The following ROBO2 variants were observed in gnomAD, a reference collection of about 807,000 sequenced individuals.
The protein encoded by ROBO2 is roundabout homolog 2.
In ROBO2, 53 loss-of-function variants were observed where a neutral mutation model predicts 160.8. The ratio of observed to expected loss-of-function variants is 0.33; its 90% CI spans 0.26 to 0.41. The LOEUF (loss-of-function observed/expected upper bound fraction) is 0.41, where lower values mean the gene tolerates loss of function less well. ROBO2 is among the 10% of genes least tolerant of loss of function. The pLI is 1.00. For missense variants in ROBO2, 1,577 were observed against 1,722.4 expected, an observed-to-expected ratio of 0.92 and a Z score of 1.49; for synonymous variants, 664 against 611.7, an observed-to-expected ratio of 1.09 and a Z score of -1.26.
At chr3:76,987,891 A>C (rs1055094403) in intron 2 of ROBO2, among the ~76,000 whole-genome samples, 10 of 152,140 alleles carry the variant, frequency 6.6e-5, no homozygotes, top group African/African-American at 2.4e-4. Flanking sequence ...ATATTTTTAA[A>C]GTTTAACTCT....
rs1429305524 is a variant in ROBO2 at position 76,187,741 on chromosome 3, A to G, written c.109+250139A>G. On this transcript the variant is annotated intron_variant, in intron 2 of 26. Coordinates refer to the ROBO2 transcript ENST00000487694. ...ACATTTCTGTTGATTCTGTCTCTAA[A>G]TGGTACCTTGAATATGTCCACCTCT... Among the ~76,000 whole-genome samples, 3 of 152,112 alleles carry G rather than the reference A, an allele frequency of 2.0e-5. 1 individual carries two copies. Among genetic ancestry groups the G allele is most frequent in the Admixed American group, 2.0e-4 (3 of 15,250 alleles).
rs6783740 is a variant in ROBO2 at position 77,463,954 on chromosome 3, A to G, written c.389-13460A>G. On this transcript the variant is annotated intron_variant, in intron 2 of 25. Coordinates refer to ENST00000461745, the Ensembl canonical transcript of ROBO2. Reference sequence around the variant, plus strand: ...ACAGCCATTAAACTCATTGAAGATCAGATGCAGAAGTAAAATTCAAAGTCT... The same window carrying G: ...ACAGCCATTAAACTCATTGAAGATCGGATGCAGAAGTAAAATTCAAAGTCT... Among the ~76,000 whole-genome samples the G allele has an allele frequency of 5.4e-3, 826 of 152,332 alleles. 10 individuals are homozygous for G. Among genetic ancestry groups the G allele is most frequent in the African/African-American group, 0.019 (779 of 41,574 alleles).
At chr3:77,181,352 A>G (rs1197844207) in intron 2 of ROBO2, among the ~76,000 whole-genome samples, 1 of 152,040 alleles carries the variant, frequency 6.6e-6, no homozygotes, top group Non-Finnish European at 1.5e-5. Flanking sequence ...AAGCTCATTG[A>G]GGAGGCTCTT....
At chr3:76,898,735 C>T (rs1172513419) in intron 2 of ROBO2, among the ~76,000 whole-genome samples, 1 of 152,108 alleles carries the variant, frequency 6.6e-6, no homozygotes, top group Non-Finnish European at 1.5e-5. Flanking sequence ...AGTCTTCCTT[C>T]AGCAGTATGG....
intron 2 of ROBO2, among the ~76,000 whole-genome samples, chr3:76,330,710 T>G (rs1576471738): frequency 6.6e-6 from 1 of 152,202 alleles, no homozygotes; most frequent in South Asian, 2.1e-4. Flanking sequence ...GATTCCTAGG[T>G]CTCATCGATT....
At chr3:76,686,398 A>G (rs1463623363) in intron 2 of ROBO2, among the ~76,000 whole-genome samples, 1 of 152,128 alleles carries the variant, frequency 6.6e-6, no homozygotes, top group Admixed American at 6.6e-5. Context: ...AAAAGAATCC[A>G]TAAAAGAGTA....
intron 2 of ROBO2, among the ~76,000 whole-genome samples, chr3:76,026,274 T>C (rs778823308): frequency 6.6e-6 from 1 of 151,964 alleles, no homozygotes; most frequent in African/African-American, 2.4e-5. Context: ...TTTTTATCTA[T>C]TTTTGGTCTA....
chr3:76,390,417 A>G (rs1336698784), intron 2 of ROBO2, among the ~76,000 whole-genome samples: 3 of 152,140 alleles, frequency 2.0e-5, no homozygotes, highest in East Asian at 3.9e-4. Flanking sequence ...AATGTGTCTT[A>G]TGATTTTAAC....
chr3:76,232,417 G>T (rs547858941), intron 2 of ROBO2, among the ~76,000 whole-genome samples: 1 of 152,272 alleles, frequency 6.6e-6, no homozygotes, highest in East Asian at 1.9e-4. Flanking sequence ...TGCTGCAACA[G>T]CAACAACGTA....
At chr3:77,346,632 G>A (rs1312397346) in intron 2 of ROBO2, among the ~76,000 whole-genome samples, 1 of 151,968 alleles carries the variant, frequency 6.6e-6, no homozygotes, top group Non-Finnish European at 1.5e-5. Flanking sequence ...GAAATTCTAC[G>A]GATGAATCTG....
At chr3:76,796,719 A>G (rs1401509607) in intron 2 of ROBO2, among the ~76,000 whole-genome samples, 1 of 152,174 alleles carries the variant, frequency 6.6e-6, no homozygotes, top group Non-Finnish European at 1.5e-5. Flanking sequence ...CTTCACCTAT[A>G]GAGACAAATG....
In ROBO2 at chr3:77,468,227, C is replaced by T. The variant is rs979321872; in HGVS notation, c.389-9187C>T. ...GCAGATCCCTGTCAAATATCACATG[C>T]TAGGCTTTGCCAAAAATAGGACTTC... On this transcript the variant is annotated intron_variant, in intron 2 of 25. Coordinates refer to ENST00000461745, the Ensembl canonical transcript of ROBO2. Among the ~76,000 whole-genome samples the T allele has an allele frequency of 3.3e-5, 5 of 152,186 alleles. No individual in the cohort carries two copies. In the South Asian group the frequency reaches 1.0e-3, roughly 31 times the overall value.
At chr3:77,469,425 T>G (rs926071464) in intron 2 of ROBO2, among the ~76,000 whole-genome samples, 3 of 152,176 alleles carry the variant, frequency 2.0e-5, no homozygotes, top group Non-Finnish European at 4.4e-5. Flanking sequence ...CTGAGCTGCA[T>G]GCTGGTTGGG....
intron 2 of ROBO2, among the ~76,000 whole-genome samples, chr3:76,490,606 A>G (rs2079765955): frequency 6.6e-6 from 1 of 152,198 alleles, no homozygotes; most frequent in Non-Finnish European, 1.5e-5. Context: ...TGCCACTCTA[A>G]TATGTCGCCA....
At chr3:77,558,179 A>G in intron 9 of ROBO2, 30 bp downstream of exon 10, 6 of 1,556,930 alleles carry the variant, frequency 3.9e-6, no homozygotes, top group African/African-American at 2.7e-5. Flanking sequence ...TACATGAATT[A>G]TCATCTACAC....
intron 2 of ROBO2, among the ~76,000 whole-genome samples, chr3:76,192,381 C>G (rs924274156): frequency 6.6e-6 from 1 of 151,974 alleles, no homozygotes; most frequent in Non-Finnish European, 1.5e-5. Flanking sequence ...TCCTTTCAAG[C>G]TTATTCTTGT....
chr3:77,218,106 A>G (rs1209608245), intron 2 of ROBO2, among the ~76,000 whole-genome samples: 1 of 152,176 alleles, frequency 6.6e-6, no homozygotes, highest in Non-Finnish European at 1.5e-5. Context: ...GAGCATAGAC[A>G]TCCTGTTTCA....
intron 4 of ROBO2, among the ~76,000 whole-genome samples, chr3:77,481,511 A>G (rs1329064472): frequency 6.6e-6 from 1 of 152,156 alleles, no homozygotes; most frequent in Non-Finnish European, 1.5e-5. Flanking sequence ...ACATCTATCT[A>G]AAGTTTATCA....
chr3:77,241,546 C>T (rs1230596157), intron 2 of ROBO2, among the ~76,000 whole-genome samples: 1 of 152,180 alleles, frequency 6.6e-6, no homozygotes, highest in East Asian at 1.9e-4. Flanking sequence ...TGACTTTCCA[C>T]AGTTTTCCCA....
Sources: allele counts gnomAD v4.1 joint callset (sites outside exome capture counted in the v4.1 genomes callset), GRCh38; gene constraint gnomAD v4.1.1; transcripts MANE v1.5; gene names NCBI Gene and HGNC (gene_info 2026-07-23, HGNC 2026-07-21).